The following DAB1 variants were observed in gnomAD, a reference collection of about 807,000 sequenced individuals.
The protein encoded by DAB1 is disabled homolog 1.
DAB1 carries 15 observed loss-of-function variants against 64.6 expected under a neutral mutation model. The observed-to-expected ratio is 0.23, with a 90% CI of 0.16 to 0.36. DAB1 has a LOEUF of 0.36. DAB1 is among the 10% of genes least tolerant of loss of function. The pLI, the probability that DAB1 is intolerant of heterozygous loss-of-function variation, is 1.00. For missense variants in DAB1, 596 were observed against 706.7 expected (o/e 0.84, Z 1.78); for synonymous variants, 235 against 251.9 (o/e 0.93, Z 0.64).
chr1:58,213,685 C>T (rs948096413), intron 4 of DAB1, among the ~76,000 whole-genome samples: 2 of 152,148 alleles, frequency 1.3e-5, no homozygotes. Flanking sequence ...GGGACATAGC[C>T]AAACCATATC....
At position 58,167,519 on chromosome 1, in the gene DAB1, T is replaced by A. The variant is rs554980462; in HGVS notation, n.310-16931A>T. ...GTAAAATGGATCAATCAGCAGGATGTGGGCAGGGTCAAATAAGGGAATAAA... is the reference window on the plus strand; with the variant it reads ...GTAAAATGGATCAATCAGCAGGATGAGGGCAGGGTCAAATAAGGGAATAAA... On this transcript the variant is annotated intron_variant and non_coding_transcript_variant, in intron 4 of 20. Coordinates refer to the DAB1 transcript ENST00000485760. 8.5e-5 allele frequency among the ~76,000 whole-genome samples: 13 copies of A among 152,328 alleles called. No homozygotes were observed. In the South Asian group the frequency reaches 2.7e-3, roughly 32 times the overall value.
At chr1:58,472,490 G>A (rs1645370675) in intron 3 of DAB1, among the ~76,000 whole-genome samples, 1 of 152,190 alleles carries the variant, frequency 6.6e-6, no homozygotes, top group Non-Finnish European at 1.5e-5. Flanking sequence ...AACATCGTGG[G>A]TAAAAGAGGG....
intron 4 of DAB1, among the ~76,000 whole-genome samples, chr1:57,119,139 T>C (rs1324471569): frequency 1.3e-5 from 2 of 152,182 alleles, no homozygotes; most frequent in African/African-American, 4.8e-5. Flanking sequence ...TTTGATTCTC[T>C]TCAACTATTT....
intron 4 of DAB1, among the ~76,000 whole-genome samples, chr1:58,291,857 T>C (rs1234155040): frequency 6.6e-6 from 1 of 152,216 alleles, no homozygotes; most frequent in Non-Finnish European, 1.5e-5. Flanking sequence ...GTTAATTGTA[T>C]GTATCAACCT....
At chr1:57,919,779 G>A (rs1644782443) in intron 5 of DAB1, among the ~76,000 whole-genome samples, 1 of 152,182 alleles carries the variant, frequency 6.6e-6, no homozygotes, top group African/African-American at 2.4e-5. Flanking sequence ...GGTGTTAGAT[G>A]AGGGGGAGCC....
intron 7 of DAB1, among the ~76,000 whole-genome samples, chr1:57,511,692 G>A (rs1644407092): frequency 6.6e-6 from 1 of 152,084 alleles, no homozygotes; most frequent in Non-Finnish European, 1.5e-5. Context: ...CTAAAATGTA[G>A]TACAATGCCT....
At chr1:57,082,653 G>A (rs1652659854) in intron 4 of DAB1, among the ~76,000 whole-genome samples, 2 of 152,106 alleles carry the variant, frequency 1.3e-5, no homozygotes, top group Non-Finnish European at 2.9e-5. Flanking sequence ...CACACCCATA[G>A]CTATATTTAC....
intron 4 of DAB1, among the ~76,000 whole-genome samples, chr1:58,300,989 G>A (rs1461249953): frequency 6.6e-6 from 1 of 152,040 alleles, no homozygotes; most frequent in Admixed American, 6.6e-5. Context: ...GAGATGGTGA[G>A]GTAGGGCTGT....
intron 7 of DAB1, among the ~76,000 whole-genome samples, chr1:57,562,216 T>C (rs1228057953): frequency 6.6e-6 from 1 of 151,988 alleles, no homozygotes; most frequent in South Asian, 2.1e-4. Flanking sequence ...CTACTAAAAA[T>C]ACAAAAATTA....
chr1:57,198,201 C>A (rs1339759441), intron 2 of DAB1, among the ~76,000 whole-genome samples: 3 of 152,256 alleles, frequency 2.0e-5, no homozygotes, highest in Admixed American at 6.5e-5. Context: ...AAAACCAACT[C>A]ATTAACATCT....
chr1:57,894,813 C>T (rs1306557511), intron 5 of DAB1, among the ~76,000 whole-genome samples: 3 of 152,132 alleles, frequency 2.0e-5, no homozygotes, highest in African/African-American at 7.2e-5. Context: ...ACACGAAACA[C>T]CCAAGGGTTT....
chr1:57,032,723 G>C (rs1647002365), intron 9 of DAB1, among the ~76,000 whole-genome samples: 1 of 152,192 alleles, frequency 6.6e-6, no homozygotes, highest in Non-Finnish European at 1.5e-5. Context: ...CTCTCCTGAT[G>C]ATTCCAATTT....
At chr1:57,131,666 A>C (rs1370396540) in intron 4 of DAB1, among the ~76,000 whole-genome samples, 4 of 152,196 alleles carry the variant, frequency 2.6e-5, no homozygotes, top group African/African-American at 7.2e-5. Flanking sequence ...AAATAAGGTG[A>C]CATCTGGTTT....
intron 4 of DAB1, among the ~76,000 whole-genome samples, chr1:58,291,816 A>G (rs1175810434): frequency 6.6e-6 from 1 of 152,212 alleles, no homozygotes; most frequent in African/African-American, 2.4e-5. Context: ...ACAAAAATCT[A>G]AATCCAAAAC....
At chr1:57,860,821 C>T (rs1051647900) in intron 1 of DAB1, 3 of 152,184 alleles carry the variant, frequency 2.0e-5, no homozygotes, top group Non-Finnish European at 2.9e-5. Flanking sequence ...CAAATCAACA[C>T]TCCATATGCC....
At chr1:58,501,367 T>G (rs1165702717) in intron 3 of DAB1, among the ~76,000 whole-genome samples, 1 of 152,238 alleles carries the variant, frequency 6.6e-6, no homozygotes, top group Non-Finnish European at 1.5e-5. Context: ...TGGTACTGTT[T>G]TGCAGGAGCT....
chr1:57,109,401 T>C (rs898502327), intron 4 of DAB1, among the ~76,000 whole-genome samples: 2 of 152,192 alleles, frequency 1.3e-5, no homozygotes, highest in Non-Finnish European at 2.9e-5. Flanking sequence ...GCAGACTCTT[T>C]TAGTGACCTC....
At chr1:56,999,882 C>A (rs1557496343) in intron 14 of DAB1, among the ~76,000 whole-genome samples, 1 of 152,112 alleles carries the variant, frequency 6.6e-6, no homozygotes, top group African/African-American at 2.4e-5. Flanking sequence ...TAACAAAGTG[C>A]CAACTTGTCC....
At chr1:57,193,381 GTT>G (rs999329119) in intron 2 of DAB1, among the ~76,000 whole-genome samples, 2 of 83,068 alleles carry the variant, frequency 2.4e-5, no homozygotes, top group African/African-American at 5.0e-5. Flanking sequence ...CGTAGCATAT[GTT>G]TTTTTTTTTT....
Sources: gnomAD v4.1 joint callset for allele counts (sites outside exome capture counted in the v4.1 genomes callset) on GRCh38, gnomAD v4.1.1 for gene constraint, MANE v1.5 for transcripts, NCBI Gene and HGNC (gene_info 2026-07-23, HGNC 2026-07-21) for gene names.